The following ASXL2 variants were observed in gnomAD, a reference collection of about 807,000 sequenced individuals.
The protein encoded by ASXL2 is putative Polycomb group protein ASXL2.
ASXL2 carries 23 observed loss-of-function variants against 122.0 expected under a neutral mutation model. The observed-to-expected ratio is 0.19, with a 90% CI of 0.14 to 0.27. ASXL2 has a LOEUF of 0.27. Among genes scored for constraint, ASXL2 ranks in the 10% least tolerant of loss-of-function variants. ASXL2 has a pLI of 1.00. For missense variants in ASXL2, 1,518 were observed against 1,713.8 expected (o/e 0.89, Z 2.02); for synonymous variants, 650 against 637.0 (o/e 1.02, Z -0.31).
At chr2:25,855,637 G>A (rs1353187834) in intron 1 of ASXL2, among the ~76,000 whole-genome samples, 3 of 152,052 alleles carry the variant, frequency 2.0e-5, no homozygotes, top group Non-Finnish European at 4.4e-5. Context: ...CTGCACTCCA[G>A]GCTGGGCGAC....
In ASXL2 at chr2:25,744,548, C is replaced by T. The variant is rs2087908151; in HGVS notation, c.1861-72G>A. 6.1e-6 allele frequency: 9 copies of T among 1,474,006 alleles called. No individual in the cohort carries two copies. The South Asian group carries it at 9.4e-5, about 15-fold the overall frequency. The allele number at this position is 1,474,006 out of a possible 1,614,324, so 91.3% of individuals were successfully genotyped here. ...TGTAAGAATAACAAAACTTCATTAGCCCTCACATTTTAAAAACAGATGAAC... is the reference window on the plus strand; with the variant it reads ...TGTAAGAATAACAAAACTTCATTAGTCCTCACATTTTAAAAACAGATGAAC... On this transcript the variant is annotated intron_variant, in intron 12 of 12. Coordinates refer to ENST00000435504, the MANE Select transcript of ASXL2 (RefSeq NM_018263.6). This position sits in a 1 kb window ranked among gnomAD's most constrained non-coding sequence, Gnocchi z 4.7.
intron 1 of ASXL2, among the ~76,000 whole-genome samples, chr2:25,866,376 G>T (rs764033484): frequency 6.6e-6 from 1 of 152,078 alleles, no homozygotes; most frequent in Non-Finnish European, 1.5e-5. Context: ...TGAGTCGCCC[G>T]CCTTGGCCTC....
At chr2:25,762,847 T>C (rs1203093277) in intron 8 of ASXL2, among the ~76,000 whole-genome samples, 4 of 152,140 alleles carry the variant, frequency 2.6e-5, no homozygotes, top group African/African-American at 9.6e-5. Flanking sequence ...CAGCTAGTTA[T>C]ATGCTATTTA....
In ASXL2 at chr2:25,737,571, T is replaced by C. The variant is rs1448893307; in HGVS notation, c.*4458A>G. On this transcript the variant is annotated 3_prime_UTR_variant, in exon 13 of 13. Transcript: ENST00000435504. ...AAGTTCCTCATTTTACTCTCTTCCA[T>C]ACAATCTGTGGGAACCATCCCATAG... is the stretch of plus-strand genomic sequence containing the variant. 1 of 152,164 alleles carries C rather than the reference T, an allele frequency of 6.6e-6. No homozygotes were observed. Among genetic ancestry groups the C allele is most frequent in the Non-Finnish European group, 1.5e-5 (1 of 68,028 alleles). 9.4% of individuals were successfully genotyped at this position (152,164 alleles called of 1,614,324 possible). A position where few individuals can be genotyped will look rare whatever the true frequency, so the allele number is the denominator to read the frequency against.
intron 3 of ASXL2, chr2:25,822,526 T>A: frequency 2.0e-6 from 1 of 494,206 alleles, no homozygotes; most frequent in South Asian, 1.8e-5. Context: ...CACTGAATTC[T>A]GTGAACACAG....
At position 25,846,693 on chromosome 2, in the gene ASXL2, A is replaced by G. The variant is rs548098247; in HGVS notation, c.58-1130T>C. 3.6e-4 allele frequency among the ~76,000 whole-genome samples: 55 copies of G among 152,202 alleles called. 1 individual carries two copies. The highest frequency in any genetic ancestry group is 1.3e-3 in the African/African-American group (53 of 41,520). ...TAGCAGGGCATGGTGGTGCTCGCCT[A>G]TAATTTTAGCTACTCGGGAGGCCGA... On this transcript the variant is annotated intron_variant, in intron 1 of 12. Coordinates refer to ENST00000435504, the MANE Select transcript of ASXL2 (RefSeq NM_018263.6).
At chr2:25,810,166 G>C (rs185915035) in intron 3 of ASXL2, 1 of 570,360 alleles carries the variant, frequency 1.8e-6, no homozygotes, top group African/African-American at 1.9e-5. Context: ...AGACACTTCA[G>C]GTTATGGTCC....
At chr2:25,773,158 A>C (rs1312514073) in intron 5 of ASXL2, among the ~76,000 whole-genome samples, 1 of 151,880 alleles carries the variant, frequency 6.6e-6, no homozygotes, top group African/African-American at 2.4e-5. Context: ...CAGTGAGCCG[A>C]GATCGCACCG....
chr2:25,757,606 C>T (rs1367510246), intron 9 of ASXL2, among the ~76,000 whole-genome samples: 1 of 123,614 alleles, frequency 8.1e-6, no homozygotes, highest in African/African-American at 3.1e-5. Context: ...ACCCAGGAGG[C>T]GGAGGTTGCA....
rs2088962384 is a variant in ASXL2 at position 25,799,448 on chromosome 2, T to C, written c.340A>G (p.Ser114Gly). ...CTGCCACCATCACTGCTGCTGCTGC[T>C]GTTCTCAGAACTCTGGGAATCTGAC... ...GQSDSQSSEN[S>G]SSSSDGGSNK... The change falls in exon 5 of 13, where the codon AGC (serine) becomes GGC (glycine). Residue 114 changes from serine (S) to glycine (G), a missense_variant. Ser to Gly is a moderately conservative substitution (Grantham distance 56). Around this residue, in one of 8 missense-constraint regions of ASXL2, gnomAD observed 198 missense variants for 209.0 expected, o/e 0.95. Transcript: ENST00000435504. 1.2e-6 allele frequency: 2 copies of C among 1,614,038 alleles called. No homozygotes were observed. The highest frequency in any genetic ancestry group is 4.5e-5 in the East Asian group (2 of 44,882).
intron 4 of ASXL2, among the ~76,000 whole-genome samples, chr2:25,803,984 GT>G (rs60357516): frequency 2.0e-4 from 30 of 151,584 alleles, no homozygotes; most frequent in African/African-American, 2.9e-4. Flanking sequence ...AAACACTTTG[GT>G]TTTTTTTTCC....
In ASXL2 at chr2:25,736,071, T is replaced by G. The variant is rs2087730619; in HGVS notation, c.*5958A>C. The G allele has an allele frequency of 6.6e-6, 1 of 152,242 alleles. No homozygotes were observed. Among genetic ancestry groups the G allele is most frequent in the Non-Finnish European group, 1.5e-5 (1 of 68,040 alleles). 9.4% of individuals were successfully genotyped at this position (152,242 alleles called of 1,614,324 possible). A position where few individuals can be genotyped will look rare whatever the true frequency, so the allele number is the denominator to read the frequency against. On this transcript the variant is annotated 3_prime_UTR_variant, in exon 13 of 13. Transcript: ENST00000435504. ...CAGCACTTTAGTGCTTAGTGCACAGTAGGTGCTCTATAAATACTTGAATTA... is the reference window on the plus strand; with the variant it reads ...CAGCACTTTAGTGCTTAGTGCACAGGAGGTGCTCTATAAATACTTGAATTA...
chr2:25,866,597 G>T (rs980925197), intron 1 of ASXL2, among the ~76,000 whole-genome samples: 1 of 152,162 alleles, frequency 6.6e-6, no homozygotes, highest in African/African-American at 2.4e-5. Flanking sequence ...TACTAAGACT[G>T]GGAAATGGTT....
chr2:25,867,050 G>A (rs1254985586), intron 1 of ASXL2, among the ~76,000 whole-genome samples: 3 of 152,104 alleles, frequency 2.0e-5, no homozygotes, highest in African/African-American at 7.2e-5. Flanking sequence ...ACAGGCATGT[G>A]CCACCATGCC....
chr2:25,742,835 T>A lies in ASXL2; in HGVS notation c.3502A>T (p.Asn1168Tyr). The A allele has an allele frequency of 6.2e-7, 1 of 1,614,006 alleles. No homozygotes were observed. Among genetic ancestry groups the A allele is most frequent in the Non-Finnish European group, 8.5e-7 (1 of 1,179,884 alleles). ...ALKMGYTDCKNATGESSSSKE... is the reference protein window; with the variant it reads ...ALKMGYTDCKYATGESSSSKE... ...CTGCTGCTACTCTCTCCTGTTGCAT[T>A]TTTACAGTCTGTATATCCCATTTTC... Residue 1168 changes from asparagine to tyrosine, a missense_variant, in exon 13 of 13, where the codon AAT becomes TAT. Physicochemically the swap from Asn to Tyr is moderately radical, Grantham distance 143. Coordinates refer to ENST00000435504, the MANE Select transcript of ASXL2 (RefSeq NM_018263.6).
intron 1 of ASXL2, among the ~76,000 whole-genome samples, chr2:25,872,016 A>G (rs529596118): frequency 1.3e-5 from 2 of 152,366 alleles, no homozygotes; most frequent in East Asian, 1.9e-4. Context: ...CAGAAAAACA[A>G]TGAGTGAAAA....
At chr2:25,834,453 T>A (rs1366014524) in intron 3 of ASXL2, among the ~76,000 whole-genome samples, 1 of 152,200 alleles carries the variant, frequency 6.6e-6, no homozygotes, top group Non-Finnish European at 1.5e-5. Flanking sequence ...TTAATTATAA[T>A]TTTAACTTTG....
At chr2:25,843,039 G>A (rs977248359) in intron 2 of ASXL2, among the ~76,000 whole-genome samples, 4 of 150,422 alleles carry the variant, frequency 2.7e-5, no homozygotes, top group African/African-American at 7.3e-5. Context: ...GGTGGCTCAC[G>A]CCTGTAATCC....
At chr2:25,821,193 C>A (rs1377019552) in intron 3 of ASXL2, among the ~76,000 whole-genome samples, 1 of 151,504 alleles carries the variant, frequency 6.6e-6, no homozygotes, top group Non-Finnish European at 1.5e-5. Flanking sequence ...AAGAAAAAAT[C>A]AAAAAAATAA....
Sources: allele counts gnomAD v4.1 joint callset (sites outside exome capture counted in the v4.1 genomes callset), GRCh38; gene constraint gnomAD v4.1.1; regional missense constraint gnomAD v4.1.1; non-coding constraint Gnocchi (gnomAD v3.1); transcripts MANE v1.5; gene names NCBI Gene and HGNC (gene_info 2026-07-23, HGNC 2026-07-21).